Variants in PCDHGB2 observed in about 807,000 individuals in gnomAD.
PCDHGB2 encodes the protein protocadherin gamma-B2.
In PCDHGB2, 55 loss-of-function variants were observed where a neutral mutation model predicts 59.3. The observed-to-expected ratio is 0.93, with a 90% CI of 0.75 to 1.16. The LOEUF (loss-of-function observed/expected upper bound fraction) is 1.16, where lower values mean the gene tolerates loss of function less well. Ranked by LOEUF, PCDHGB2 falls within the 50% of genes most tolerant of loss-of-function variation. PCDHGB2 has a pLI of 0.00. For synonymous variants in PCDHGB2, 516 were observed against 512.0 expected (o/e 1.01, Z -0.11); for missense variants, 1,228 against 1,198.5 (o/e 1.02, Z -0.36).
rs760095389 is a variant in PCDHGB2, at chr5:141,486,731, A to G, written c.2422-8076A>G. On this transcript the variant is annotated intron_variant, in intron 1 of 3. Transcript: ENST00000522605. The surrounding 1 kb of genome is among the most constrained non-coding windows in gnomAD (Gnocchi z 5.0). ...CCCCCAGACAGGAGCTGTTCATGCT[A>G]CTCGATCCTTTGACTATGAGCAAAC... The G allele has an allele frequency of 6.2e-7, 1 of 1,614,060 alleles. No individual in the cohort carries two copies. Among genetic ancestry groups the G allele is most frequent in the Non-Finnish European group, 8.5e-7 (1 of 1,180,012 alleles).
Position 141,477,934 on chromosome 5 carries a change from C to T in PCDHGB2, c.2422-16873C>T. Reference sequence around the variant, plus strand: ...CGGATGCAGGGCACAATGCCTGGCTCTCCTACAGTCTCTTGGGATCCCCTA... The same window carrying T: ...CGGATGCAGGGCACAATGCCTGGCTTTCCTACAGTCTCTTGGGATCCCCTA... On this transcript the variant is annotated intron_variant, in intron 1 of 3. Coordinates refer to ENST00000522605, the MANE Select transcript of PCDHGB2 (RefSeq NM_018923.3). This position sits in a 1 kb window ranked among gnomAD's most constrained non-coding sequence, Gnocchi z 4.9. 3.1e-6 allele frequency: 5 copies of T among 1,614,204 alleles called. No individual in the cohort carries two copies. The highest frequency in any genetic ancestry group is 4.2e-6 in the Non-Finnish European group (5 of 1,180,036).
chr5:141,457,301 CCAAA>C (rs1163780799), intron 1 of PCDHGB2, among the ~76,000 whole-genome samples: 1 of 152,090 alleles, frequency 6.6e-6, no homozygotes, highest in Non-Finnish European at 1.5e-5. Context: ...TTTTATTTTC[CCAAA>C]CAAAGAAACC....
chr5:141,425,943 C>T (rs2096904576), intron 1 of PCDHGB2, among the ~76,000 whole-genome samples: 1 of 152,220 alleles, frequency 6.6e-6, no homozygotes, highest in African/African-American at 2.4e-5. Flanking sequence ...TGTCTAGTTT[C>T]CTATACATTA....
intron 1 of PCDHGB2, among the ~76,000 whole-genome samples, chr5:141,437,093 C>T (rs1382920904): frequency 2.6e-5 from 4 of 152,136 alleles, no homozygotes; most frequent in East Asian, 1.9e-4. Flanking sequence ...TTGAAACTAA[C>T]GGCTTAGCTT....
At position 141,360,810 on chromosome 5, in the gene PCDHGB2, G is replaced by A; in HGVS notation, c.675G>A (p.Thr225=). The A allele has an allele frequency of 6.2e-7, 1 of 1,613,878 alleles. No homozygotes were observed. The highest frequency in any genetic ancestry group is 2.2e-5 in the East Asian group (1 of 44,874). Residue 225 remains threonine, a synonymous_variant, in exon 1 of 4, where the codon ACG becomes ACA. Coordinates refer to ENST00000522605, the MANE Select transcript of PCDHGB2 (RefSeq NM_018923.3). The part of the protein sequence containing the change: ...VDGGDPPQSG[T]TQIRIKVTDA... The stretch of plus-strand genomic sequence containing the variant: ...GCGGAGACCCACCTCAAAGTGGCAC[G>A]ACCCAAATCCGAATCAAAGTCACGG...
At chr5:141,437,983 A>C (rs544812394) in intron 1 of PCDHGB2, among the ~76,000 whole-genome samples, 1 of 152,056 alleles carries the variant, frequency 6.6e-6, no homozygotes, top group Admixed American at 6.5e-5. Context: ...GGATGCACCC[A>C]CCCCACCTCA....
At chr5:141,434,338 G>A (rs1037038534) in intron 1 of PCDHGB2, among the ~76,000 whole-genome samples, 5 of 152,086 alleles carry the variant, frequency 3.3e-5, no homozygotes, top group East Asian at 1.9e-4. Context: ...TCTTTGTGTC[G>A]GGAACAGGCC....
chr5:141,399,720 C>A, intron 1 of PCDHGB2: 1 of 1,613,306 alleles, frequency 6.2e-7, no homozygotes, highest in Non-Finnish European at 8.5e-7. Context: ...TACAGGCCCG[C>A]GACCAGGGCT....
In PCDHGB2 at chr5:141,490,134, C is replaced by G; in HGVS notation, c.2422-4673C>G. On this transcript the variant is annotated intron_variant, in intron 1 of 3. Transcript: ENST00000522605. This position sits in a 1 kb window ranked among gnomAD's most constrained non-coding sequence, Gnocchi z 5.4. ...GGAACCTCTTTGGCCTAGACCCTAG[C>G]AGTGGGGCAATCCATGTGTTGGGTC... The G allele has an allele frequency of 1.2e-6, 2 of 1,614,232 alleles. No homozygotes were observed. The highest frequency in any genetic ancestry group is 1.7e-6 in the Non-Finnish European group (2 of 1,180,030).
chr5:141,426,431 A>G (rs916399837), intron 1 of PCDHGB2: 1 of 297,328 alleles, frequency 3.4e-6, no homozygotes, highest in Non-Finnish European at 6.7e-6. Context: ...GTGGTGGGGA[A>G]CCTTGCGGAG....
intron 1 of PCDHGB2, chr5:141,365,824 G>C (rs745398679): frequency 2.5e-6 from 4 of 1,613,926 alleles, no homozygotes; most frequent in Non-Finnish European, 3.4e-6. Context: ...CATTTCAGGG[G>C]GCGCCCTTGT....
chr5:141,380,233 G>A (rs1035611474), intron 1 of PCDHGB2, among the ~76,000 whole-genome samples: 49 of 152,114 alleles, frequency 3.2e-4, no homozygotes, highest in Non-Finnish European at 7.1e-4. Context: ...GGCTTCTGTT[G>A]AGGTGGCAAT....
chr5:141,433,643 C>A (rs899772934), intron 1 of PCDHGB2, among the ~76,000 whole-genome samples: 13 of 152,070 alleles, frequency 8.5e-5, no homozygotes, highest in African/African-American at 2.7e-4. Context: ...TGAGACCAGC[C>A]TGACCAACAT....
At chr5:141,474,722 C>G (rs1562046141) in intron 1 of PCDHGB2, among the ~76,000 whole-genome samples, 1 of 152,216 alleles carries the variant, frequency 6.6e-6, no homozygotes, top group Non-Finnish European at 1.5e-5. Flanking sequence ...TTCAAAAGGA[C>G]TCTATGCAAT....
In PCDHGB2 at chr5:141,375,395, A is replaced by T. The variant is rs571734136; in HGVS notation, c.2421+12839A>T. 1.2e-6 allele frequency: 2 copies of T among 1,613,932 alleles called. No individual in the cohort carries two copies. The highest frequency in any genetic ancestry group is 2.2e-5 in the South Asian group (2 of 91,080). ...ACCACCTCTGTCTACAGAAACAATC[A>T]TCTCTCTAAATGTGGCAGACACCAA... On this transcript the variant is annotated intron_variant, in intron 1 of 3. Coordinates refer to ENST00000522605, the MANE Select transcript of PCDHGB2 (RefSeq NM_018923.3).
Position 141,487,820 on chromosome 5 carries a change from G to A in PCDHGB2, c.2422-6987G>A, listed in dbSNP as rs1024593393. 8 of 1,293,652 alleles carry A rather than the reference G, an allele frequency of 6.2e-6. No individual in the cohort carries two copies. The highest frequency in any genetic ancestry group is 3.7e-4 in the Middle Eastern group (2 of 5,382). 80.1% of individuals were successfully genotyped at this position (1,293,652 alleles called of 1,614,324 possible). A position where few individuals can be genotyped will look rare whatever the true frequency, so the allele number is the denominator to read the frequency against. On this transcript the variant is annotated intron_variant, in intron 1 of 3. Transcript: ENST00000522605. This position sits in a 1 kb window ranked among gnomAD's most constrained non-coding sequence, Gnocchi z 5.0. ...GTTGTCACAGTTTAGCATTGGGGGC[G>A]GGTCATGCCTATATCTGAGTAAGAA...
At chr5:141,448,921 G>A (rs1323304761) in intron 1 of PCDHGB2, among the ~76,000 whole-genome samples, 3 of 152,120 alleles carry the variant, frequency 2.0e-5, no homozygotes, top group Admixed American at 1.3e-4. Flanking sequence ...CTCCAGCCTG[G>A]GCGACAGAGC....
chr5:141,431,867 A>C lies in PCDHGB2; in HGVS notation c.2422-62940A>C. On this transcript the variant is annotated intron_variant, in intron 1 of 3. Transcript: ENST00000522605. The surrounding 1 kb of genome is among the most constrained non-coding windows in gnomAD (Gnocchi z 4.8). ...CAGAGGGACATTAATTGCCCTTTTA[A>C]ATGTAAATGACCAAGATTCTGAGGA... 6.2e-7 allele frequency: 1 copy of C among 1,614,226 alleles called. No individual in the cohort carries two copies. Among genetic ancestry groups the C allele is most frequent in the Non-Finnish European group, 8.5e-7 (1 of 1,180,024 alleles).
At chr5:141,388,793 T>A (rs1441605740) in intron 1 of PCDHGB2, 2 of 1,613,918 alleles carry the variant, frequency 1.2e-6, no homozygotes, top group Admixed American at 3.3e-5. Flanking sequence ...CTGTTTTAAA[T>A]ACATTAGATT....
Sources: gnomAD v4.1 joint callset for allele counts (sites outside exome capture counted in the v4.1 genomes callset) on GRCh38, gnomAD v4.1.1 for gene constraint, Gnocchi (gnomAD v3.1) non-coding constraint, MANE v1.5 for transcripts, NCBI Gene and HGNC (gene_info 2026-07-23, HGNC 2026-07-21) for gene names.